BNC2: variants seen among roughly 807,000 people sequenced by gnomAD.
BNC2 encodes the protein basonuclin zinc finger protein 2.
Under a neutral mutation model 76.3 loss-of-function variants are expected in BNC2, and 20 were observed. That is an observed-to-expected ratio of 0.26 (90% CI 0.18 to 0.38). The LOEUF (loss-of-function observed/expected upper bound fraction) is 0.38. Ranked by LOEUF, BNC2 falls within the 10% of genes least tolerant of loss-of-function variation. BNC2 has a pLI of 1.00. For missense variants in BNC2, 1,382 were observed against 1,399.8 expected (o/e 0.99, Z 0.20); for synonymous variants, 582 against 514.8 (o/e 1.13, Z -1.77).
chr9:16,847,821 C>T (rs999183234), intron 1 of BNC2, among the ~76,000 whole-genome samples: 35 of 152,126 alleles, frequency 2.3e-4, no homozygotes, highest in Admixed American at 1.2e-3. Flanking sequence ...GCAGCATGTG[C>T]GGTAGATGTG....
chr9:16,529,315 G>T (rs1817907683), intron 5 of BNC2, among the ~76,000 whole-genome samples: 1 of 151,966 alleles, frequency 6.6e-6, no homozygotes, highest in African/African-American at 2.4e-5. Flanking sequence ...TTAAACAGTA[G>T]GATATAAGAA....
chr9:16,562,766 C>G (rs999534546), intron 4 of BNC2, among the ~76,000 whole-genome samples: 20 of 152,060 alleles, frequency 1.3e-4, no homozygotes, highest in African/African-American at 4.6e-4. Context: ...TTCCTAAAGT[C>G]CAACACTAAA....
chr9:16,673,443 A>AAC lies in BNC2; in HGVS notation c.330+54352_330+54353dup, dbSNP rs1174254021. On this transcript the variant is annotated intron_variant, in intron 3 of 6. Coordinates refer to ENST00000380672, the MANE Select transcript of BNC2 (RefSeq NM_017637.6). ...CATTCTGAGATTTAAAAAAAAAAAA[A>AAC]ACACACACACACACACACACATACA... Among the ~76,000 whole-genome samples, 1,118 of 145,602 alleles carry AAC rather than the reference A, an allele frequency of 7.7e-3. 5 individuals are homozygous for AAC. Among genetic ancestry groups the AAC allele is most frequent in the East Asian group, 0.011 (56 of 5,024 alleles).
At chr9:16,778,600 CAG>C (rs1826033781) in intron 1 of BNC2, among the ~76,000 whole-genome samples, 12 of 152,272 alleles carry the variant, frequency 7.9e-5, no homozygotes, top group African/African-American at 2.9e-4. Context: ...CTGTATTTTG[CAG>C]ATAAAAGGCT....
intron 1 of BNC2, among the ~76,000 whole-genome samples, chr9:16,754,590 C>T (rs573202216): frequency 6.6e-6 from 1 of 151,984 alleles, no homozygotes; most frequent in Non-Finnish European, 1.5e-5. Flanking sequence ...CAGAGTCTCG[C>T]TCTGTTGCTC....
At chr9:16,705,283 C>G (rs937743010) in intron 3 of BNC2, among the ~76,000 whole-genome samples, 2 of 152,188 alleles carry the variant, frequency 1.3e-5, no homozygotes, top group African/African-American at 4.8e-5. Context: ...TCACAACAGA[C>G]TACATCATCC....
intron 5 of BNC2, among the ~76,000 whole-genome samples, chr9:16,468,248 CTT>C (rs1182387313): frequency 6.6e-6 from 1 of 152,096 alleles, no homozygotes; most frequent in East Asian, 1.9e-4. Flanking sequence ...CTACCTACCT[CTT>C]TTGCAAAGTC....
chr9:16,527,042 G>A (rs1400610831), intron 5 of BNC2, among the ~76,000 whole-genome samples: 1 of 152,170 alleles, frequency 6.6e-6, no homozygotes, highest in Non-Finnish European at 1.5e-5. Context: ...GGGAAGTGTT[G>A]GAAGCAGCAC....
intron 3 of BNC2, among the ~76,000 whole-genome samples, chr9:16,676,619 A>C (rs1822650883): frequency 6.6e-6 from 1 of 152,242 alleles, no homozygotes; most frequent in African/African-American, 2.4e-5. Flanking sequence ...CAGGCCATTC[A>C]ACCAAAGTTT....
intron 1 of BNC2, among the ~76,000 whole-genome samples, chr9:16,832,941 G>C (rs897844346): frequency 2.0e-5 from 3 of 152,016 alleles, no homozygotes; most frequent in African/African-American, 7.2e-5. Flanking sequence ...GGCCAGGATA[G>C]TCTCAATCTC....
intron 3 of BNC2, among the ~76,000 whole-genome samples, chr9:16,690,705 T>A (rs972399269): frequency 6.6e-6 from 1 of 152,148 alleles, no homozygotes; most frequent in African/African-American, 2.4e-5. Context: ...TGCCAGTGCC[T>A]GAAGGAGACA....
intron 1 of BNC2, among the ~76,000 whole-genome samples, chr9:16,836,791 C>A (rs1438222197): frequency 6.6e-6 from 1 of 151,354 alleles, no homozygotes; most frequent in Non-Finnish European, 1.5e-5. Flanking sequence ...GAAGAACCAA[C>A]CTCAAAAAAA....
At chr9:16,618,869 C>T (rs181463070) in intron 3 of BNC2, among the ~76,000 whole-genome samples, 26 of 152,210 alleles carry the variant, frequency 1.7e-4, no homozygotes, top group African/African-American at 5.8e-4. Context: ...TAAGAAAAGG[C>T]GCCCTTCTAA....
intron 5 of BNC2, among the ~76,000 whole-genome samples, chr9:16,468,285 T>TA (rs1397188904): frequency 6.6e-6 from 1 of 152,170 alleles, no homozygotes; most frequent in East Asian, 1.9e-4. Flanking sequence ...AAGACACACT[T>TA]AGAGACTCCT....
At chr9:16,503,178 T>C (rs980022856) in intron 5 of BNC2, among the ~76,000 whole-genome samples, 1 of 152,120 alleles carries the variant, frequency 6.6e-6, no homozygotes, top group Non-Finnish European at 1.5e-5. Context: ...TATATATGGT[T>C]TACCACCCTC....
intron 1 of BNC2, among the ~76,000 whole-genome samples, chr9:16,858,057 T>C (rs1042620244): frequency 1.3e-5 from 2 of 152,226 alleles, no homozygotes; most frequent in African/African-American, 4.8e-5. Flanking sequence ...TATATAAAAC[T>C]TCACTGGACC....
chr9:16,533,851 C>A lies in BNC2; in HGVS notation c.669+18679G>T, dbSNP rs373830743. The stretch of plus-strand genomic sequence containing the variant: ...GTTTTTATAGGTCTTCCTATAGCAG[C>A]AGGCAAAATTTTATAGAAGTGAATT... On this transcript the variant is annotated intron_variant, in intron 5 of 6. Coordinates refer to ENST00000380672, the MANE Select transcript of BNC2 (RefSeq NM_017637.6). 6.6e-5 allele frequency among the ~76,000 whole-genome samples: 10 copies of A among 152,230 alleles called. No homozygotes were observed. In the South Asian group the frequency reaches 1.4e-3, roughly 22 times the overall value.
At chr9:16,798,294 T>C (rs112051626) in intron 1 of BNC2, among the ~76,000 whole-genome samples, 13 of 152,316 alleles carry the variant, frequency 8.5e-5, no homozygotes, top group South Asian at 6.2e-4. Flanking sequence ...CAAATGCAAT[T>C]TGGCTCTAGG....
rs193291255 is a variant in BNC2, at chr9:16,425,578, G to A, written c.2640-5929C>T. Among the ~76,000 whole-genome samples, 8 of 152,268 alleles carry A rather than the reference G, an allele frequency of 5.3e-5. No individual in the cohort carries two copies. The East Asian group carries it at 1.2e-3, about 22-fold the overall frequency. On this transcript the variant is annotated intron_variant, in intron 6 of 6. Coordinates refer to ENST00000380672, the MANE Select transcript of BNC2 (RefSeq NM_017637.6). ...TTCAAGCTTCCGATCTAACTTTGACGTGAACGAAATCACCAAATTTGTTTA... is the reference window on the plus strand; with the variant it reads ...TTCAAGCTTCCGATCTAACTTTGACATGAACGAAATCACCAAATTTGTTTA...
Sources: gnomAD v4.1 joint callset for allele counts (sites outside exome capture counted in the v4.1 genomes callset) on GRCh38, gnomAD v4.1.1 for gene constraint, MANE v1.5 for transcripts, NCBI Gene and HGNC (gene_info 2026-07-23, HGNC 2026-07-21) for gene names.